The following HDAC1 variants were observed in gnomAD, a reference collection of about 807,000 sequenced individuals.
The protein encoded by HDAC1 is histone deacetylase 1.
In HDAC1, 18 loss-of-function variants were observed where a neutral mutation model predicts 65.5. The ratio of observed to expected loss-of-function variants is 0.27; its 90% CI spans 0.19 to 0.41. The LOEUF (loss-of-function observed/expected upper bound fraction) is 0.41. Ranked by LOEUF, HDAC1 falls within the 10% of genes least tolerant of loss-of-function variation. The pLI is 1.00. For missense variants in HDAC1, 373 were observed against 625.2 expected (o/e 0.60, Z 4.30); for synonymous variants, 211 against 227.9 (o/e 0.93, Z 0.67).
At chr1:32,292,350 G>C in intron 1 of HDAC1, 132 bp downstream of exon 1, 3 of 1,504,212 alleles carry the variant, frequency 2.0e-6, no homozygotes, top group South Asian at 2.5e-5. Context: ...AGGAGGCTGC[G>C]AGGGGGAAGT....
chr1:32,326,366 T>C (rs968097537), intron 4 of HDAC1, among the ~76,000 whole-genome samples: 1 of 152,086 alleles, frequency 6.6e-6, no homozygotes, highest in Non-Finnish European at 1.5e-5. Context: ...GGTTTAACCA[T>C]GTTGGCCAGG....
rs760170231 is a variant in HDAC1 at position 32,333,020 on chromosome 1, CAAG to C, written c.1426_1428del (p.Lys476del). 6.2e-7 allele frequency: 1 copy of C among 1,613,764 alleles called. No homozygotes were observed. The highest frequency in any genetic ancestry group is 8.5e-7 in the Non-Finnish European group (1 of 1,179,806). ...CCAGTCTCTGCTCTCTCCACAGGGTCAAGGAGGAGGTCAAGTTGGCCTGAATGG... is the reference window on the plus strand; with the variant it reads ...CCAGTCTCTGCTCTCTCCACAGGGTCGAGGAGGTCAAGTTGGCCTGAATGG... On this transcript the variant is annotated inframe_deletion, in exon 14 of 14. Transcript: ENST00000373548.
chr1:32,301,262 C>A (rs1640843843), intron 1 of HDAC1, among the ~76,000 whole-genome samples: 1 of 151,440 alleles, frequency 6.6e-6, no homozygotes, highest in South Asian at 2.1e-4. Flanking sequence ...CTGGCTAACA[C>A]AATGAAACCC....
Position 32,329,035 on chromosome 1 carries a change from C to G in HDAC1, c.637-33C>G. On this transcript the variant is annotated intron_variant, in intron 6 of 13. Transcript: ENST00000373548. The surrounding 1 kb of genome is among the most constrained non-coding windows in gnomAD (Gnocchi z 4.1). ...CCTTGACCTTCCTTCAAGCTTCATC[C>G]TTCAGTTTTACTTTAATGGCCTTTT... The G allele has an allele frequency of 7.7e-7, 1 of 1,296,454 alleles. No homozygotes were observed. Among genetic ancestry groups the G allele is most frequent in the South Asian group, 1.2e-5 (1 of 84,736 alleles). 80.3% of individuals were successfully genotyped at this position (1,296,454 alleles called of 1,614,324 possible). A position where few individuals can be genotyped will look rare whatever the true frequency, so the allele number is the denominator to read the frequency against.
At chr1:32,292,870 G>C (rs537506976) in intron 1 of HDAC1, among the ~76,000 whole-genome samples, 1 of 152,118 alleles carries the variant, frequency 6.6e-6, no homozygotes, top group Non-Finnish European at 1.5e-5. Flanking sequence ...AGAGTGTTAG[G>C]GGAGCACAGA....
chr1:32,292,176 C>G lies in HDAC1; in HGVS notation c.7C>G (p.Gln3Glu), dbSNP rs1466027951. 9 of 1,548,558 alleles carry G rather than the reference C, an allele frequency of 5.8e-6. No individual in the cohort carries two copies. The South Asian group carries it at 7.1e-5, about 12-fold the overall frequency. Reference sequence around the variant, plus strand: ...GGGACGGGAGGCGAGCAAGATGGCGCAGACGCAGGGCACCCGGAGGAAAGT... The same window carrying G: ...GGGACGGGAGGCGAGCAAGATGGCGGAGACGCAGGGCACCCGGAGGAAAGT... MAQTQGTRRKVCY... is the reference protein window; with the variant it reads MAETQGTRRKVCY... The change falls in exon 1 of 14, where the codon CAG becomes GAG. Residue 3 changes from glutamine (Q) to glutamate (E), a missense_variant. Gln to Glu is a conservative substitution (Grantham distance 29). Coordinates refer to ENST00000373548, the MANE Select transcript of HDAC1 (RefSeq NM_004964.3).
chr1:32,329,245 G>A lies in HDAC1; in HGVS notation c.729+85G>A. On this transcript the variant is annotated intron_variant, in intron 7 of 13. Transcript: ENST00000373548. This position sits in a 1 kb window ranked among gnomAD's most constrained non-coding sequence, Gnocchi z 4.1. ...AGCAAAGCACCCCCACCATACCTCAGGAATCTCTCCTTACTAAAGCTGGTG... is the reference window on the plus strand; with the variant it reads ...AGCAAAGCACCCCCACCATACCTCAAGAATCTCTCCTTACTAAAGCTGGTG... The A allele has an allele frequency of 1.2e-6, 1 of 826,052 alleles. No homozygotes were observed. Among genetic ancestry groups the A allele is most frequent in the Non-Finnish European group, 2.2e-6 (1 of 463,772 alleles). 51.2% of individuals were successfully genotyped at this position (826,052 alleles called of 1,614,324 possible).
rs1641257541 is a variant in HDAC1, at chr1:32,329,128, G to A, written c.697G>A (p.Asp233Asn). The A allele has an allele frequency of 6.2e-7, 1 of 1,612,658 alleles. No homozygotes were observed. The highest frequency in any genetic ancestry group is 8.5e-7 in the Non-Finnish European group (1 of 1,178,818). Residue 233 changes from aspartate to asparagine, a missense_variant, in exon 7 of 14, where the codon GAT (aspartate) becomes AAT (asparagine). Physicochemically the swap from Asp to Asn is conservative, Grantham distance 23. Around this residue, in one of 4 missense-constraint regions of HDAC1, gnomAD observed 62 missense variants for 180.0 expected, o/e 0.34. Transcript: ENST00000373548. The surrounding 1 kb of genome is among the most constrained non-coding windows in gnomAD (Gnocchi z 4.1). ...AVNYPLRDGI[D>N]DESYEAIFKP... ...TAACTACCCGCTCCGAGACGGGATT[G>A]ATGACGAGTCCTATGAGGCCATTTT...
chr1:32,329,801 C>T lies in HDAC1; in HGVS notation c.729+641C>T. On this transcript the variant is annotated intron_variant, in intron 7 of 13. Transcript: ENST00000373548. The surrounding 1 kb of genome is among the most constrained non-coding windows in gnomAD (Gnocchi z 4.1). ...TTTCACAGAGGTGCTGATGTTTAAG[C>T]TGGACTTTGGAAAATGAGGAGGTGC... 1 of 155,936 alleles carries T rather than the reference C, an allele frequency of 6.4e-6. No homozygotes were observed. Among genetic ancestry groups the T allele is most frequent in the Non-Finnish European group, 1.4e-5 (1 of 70,200 alleles). The allele number at this position is 155,936 out of a possible 1,614,324, so 9.7% of individuals were successfully genotyped here. A position where few individuals can be genotyped will look rare whatever the true frequency, so the allele number is the denominator to read the frequency against.
intron 3 of HDAC1, among the ~76,000 whole-genome samples, chr1:32,322,042 G>T (rs762490130): frequency 2.6e-5 from 4 of 152,158 alleles, no homozygotes; most frequent in Non-Finnish European, 5.9e-5. Flanking sequence ...TGCAGAACCA[G>T]AGCTGGTAAC....
chr1:32,310,963 A>G (rs2148062242), intron 2 of HDAC1, among the ~76,000 whole-genome samples: 1 of 152,130 alleles, frequency 6.6e-6, no homozygotes, highest in Admixed American at 6.6e-5. Context: ...AAAAAAAAAG[A>G]AAGAGAGACA....
intron 3 of HDAC1, among the ~76,000 whole-genome samples, chr1:32,323,330 A>T (rs1641174480): frequency 6.6e-6 from 1 of 151,882 alleles, no homozygotes; most frequent in African/African-American, 2.4e-5. Flanking sequence ...CCAAAGCTTG[A>T]GGCTTGCATA....
At chr1:32,304,008 A>G (rs1416337433) in intron 2 of HDAC1, among the ~76,000 whole-genome samples, 1 of 152,212 alleles carries the variant, frequency 6.6e-6, no homozygotes, top group Non-Finnish European at 1.5e-5. Flanking sequence ...GGAACAAGTG[A>G]AGGGTTTTAA....
chr1:32,299,295 G>C (rs1640814017), intron 1 of HDAC1, among the ~76,000 whole-genome samples: 1 of 151,828 alleles, frequency 6.6e-6, no homozygotes. Context: ...GAAAAGGATG[G>C]TTGGCCTGCA....
chr1:32,318,314 T>C (rs866442152), intron 3 of HDAC1, among the ~76,000 whole-genome samples: 21 of 152,276 alleles, frequency 1.4e-4, no homozygotes, highest in Admixed American at 2.6e-4. Flanking sequence ...CCTAGCACTT[T>C]GGGAGCCCAA....
At chr1:32,326,270 C>T (rs1338037724) in intron 4 of HDAC1, among the ~76,000 whole-genome samples, 1 of 151,772 alleles carries the variant, frequency 6.6e-6, no homozygotes, top group Admixed American at 6.6e-5. Flanking sequence ...AAGCGATTCT[C>T]CTGCCTCAGC....
chr1:32,296,982 T>C (rs186045644), intron 1 of HDAC1, among the ~76,000 whole-genome samples: 2 of 152,060 alleles, frequency 1.3e-5, no homozygotes, highest in Admixed American at 1.3e-4. Context: ...GAGGAGAAGA[T>C]AAGGAGAAAG....
intron 4 of HDAC1, among the ~76,000 whole-genome samples, chr1:32,325,672 T>C (rs563768884): frequency 2.8e-4 from 43 of 152,358 alleles, no homozygotes; most frequent in African/African-American, 1.0e-3. Flanking sequence ...TTACTTGAGT[T>C]GATATAATCT....
intron 1 of HDAC1, among the ~76,000 whole-genome samples, chr1:32,296,844 ATGG>A (rs1295118639): frequency 6.6e-6 from 1 of 152,220 alleles, no homozygotes; most frequent in East Asian, 1.9e-4. Flanking sequence ...ACTAGTAGTG[ATGG>A]AGCTTCCTGA....
Sources: gnomAD v4.1 joint callset for allele counts (sites outside exome capture counted in the v4.1 genomes callset) on GRCh38, gnomAD v4.1.1 for gene constraint, gnomAD v4.1.1 regional missense constraint, Gnocchi (gnomAD v3.1) non-coding constraint, MANE v1.5 for transcripts, NCBI Gene and HGNC (gene_info 2026-07-23, HGNC 2026-07-21) for gene names.